Variants in ETV6 observed in about 807,000 individuals in gnomAD.
The protein encoded by ETV6 is transcription factor ETV6.
Under a neutral mutation model 51.1 loss-of-function variants are expected in ETV6, and 16 were observed. The observed-to-expected ratio is 0.31, with a 90% CI of 0.21 to 0.48. The LOEUF is 0.48. Ranked by LOEUF, ETV6 falls within the 20% of genes least tolerant of loss-of-function variation. The pLI, the probability that ETV6 is intolerant of heterozygous loss-of-function variation, is 0.99. For synonymous variants in ETV6, 240 were observed against 224.1 expected, an observed-to-expected ratio of 1.07 and a Z score of -0.64; for missense variants, 458 against 594.8, an observed-to-expected ratio of 0.77 and a Z score of 2.39.
intron 1 of ETV6, among the ~76,000 whole-genome samples, chr12:11,719,339 T>C (rs1865339191): frequency 6.6e-6 from 1 of 152,242 alleles, no homozygotes; most frequent in South Asian, 2.1e-4. Context: ...ATCTCATGCA[T>C]ATTAAAAATA....
intron 1 of ETV6, among the ~76,000 whole-genome samples, chr12:11,710,058 A>G (rs1469650046): frequency 6.6e-6 from 1 of 152,334 alleles, no homozygotes; most frequent in East Asian, 1.9e-4. Context: ...GTATTCTCAC[A>G]TCGGGAGGTC....
rs565987811 is a variant in ETV6 at position 11,692,364 on chromosome 12, GAAAT to G, written c.33+42209_33+42212del. On this transcript the variant is annotated intron_variant, in intron 1 of 7. Coordinates refer to ENST00000396373, the MANE Select transcript of ETV6 (RefSeq NM_001987.5). The stretch of plus-strand genomic sequence containing the variant: ...GACTCCCTAGCCTCCATAACTGTAA[GAAAT>G]AAATTTCATTTCTTTGTAAATTACC... Among the ~76,000 whole-genome samples, 490 of 152,214 alleles carry G rather than the reference GAAAT, an allele frequency of 3.2e-3. 2 individuals are homozygous for G. Among genetic ancestry groups the G allele is most frequent in the African/African-American group, 0.01 (428 of 41,514 alleles).
intron 3 of ETV6, among the ~76,000 whole-genome samples, chr12:11,851,369 A>G (rs966417463): frequency 2.6e-5 from 4 of 152,204 alleles, no homozygotes; most frequent in Non-Finnish European, 5.9e-5. Flanking sequence ...AAGTTCAGGA[A>G]GTCATTACAC....
intron 2 of ETV6, among the ~76,000 whole-genome samples, chr12:11,767,508 G>A (rs959317599): frequency 6.6e-6 from 1 of 152,222 alleles, no homozygotes; most frequent in Non-Finnish European, 1.5e-5. Context: ...TCAGGTGGCC[G>A]CATGGTATAG....
intron 1 of ETV6, among the ~76,000 whole-genome samples, chr12:11,739,076 A>AAG (rs576287649): frequency 1.9e-4 from 29 of 152,204 alleles, no homozygotes; most frequent in Non-Finnish European, 3.1e-4. Flanking sequence ...TTTTTAAAAA[A>AAG]AGAGAGAGAG....
At chr12:11,672,938 A>G (rs906521197) in intron 1 of ETV6, among the ~76,000 whole-genome samples, 10 of 152,220 alleles carry the variant, frequency 6.6e-5, no homozygotes, top group African/African-American at 2.4e-4. Flanking sequence ...AGTTATCGCC[A>G]TCCTACTGCT....
intron 2 of ETV6, among the ~76,000 whole-genome samples, chr12:11,765,851 C>G (rs1277118752): frequency 6.6e-6 from 1 of 152,182 alleles, no homozygotes; most frequent in Admixed American, 6.5e-5. Context: ...CCAGAAGTCT[C>G]AAGTTTGTGT....
At chr12:11,841,109 A>G (rs1018425855) in intron 3 of ETV6, among the ~76,000 whole-genome samples, 2 of 151,946 alleles carry the variant, frequency 1.3e-5, no homozygotes, top group African/African-American at 2.4e-5. Context: ...CCTTCATCCT[A>G]TCTCAGGTGC....
chr12:11,775,763 A>G (rs1267085299), intron 2 of ETV6, among the ~76,000 whole-genome samples: 2 of 152,174 alleles, frequency 1.3e-5, no homozygotes, highest in Non-Finnish European at 2.9e-5. Context: ...TAAACCATAC[A>G]AGCAGCGCAT....
intron 1 of ETV6, among the ~76,000 whole-genome samples, chr12:11,712,945 C>T (rs576273870): frequency 1.3e-5 from 2 of 152,302 alleles, no homozygotes; most frequent in East Asian, 1.9e-4. Flanking sequence ...GTTTCTGCCT[C>T]GTTTACTTTC....
At chr12:11,689,192 A>T (rs1864697214) in intron 1 of ETV6, among the ~76,000 whole-genome samples, 1 of 152,142 alleles carries the variant, frequency 6.6e-6, no homozygotes, top group South Asian at 2.1e-4. Context: ...AAAGTATGGA[A>T]GTAGATTGAA....
chr12:11,789,126 A>G (rs1408287327), intron 2 of ETV6, among the ~76,000 whole-genome samples: 1 of 152,030 alleles, frequency 6.6e-6, no homozygotes, highest in Non-Finnish European at 1.5e-5. Flanking sequence ...TCTGCCTCTC[A>G]GGTTCAAGCG....
chr12:11,722,843 G>T (rs1178893336), intron 1 of ETV6, among the ~76,000 whole-genome samples: 4 of 152,226 alleles, frequency 2.6e-5, no homozygotes, highest in Non-Finnish European at 5.9e-5. Flanking sequence ...AATTAATGCA[G>T]AGGTGCTCAA....
intron 1 of ETV6, among the ~76,000 whole-genome samples, chr12:11,730,036 G>C (rs758865902): frequency 6.6e-6 from 1 of 152,148 alleles, no homozygotes; most frequent in Non-Finnish European, 1.5e-5. Context: ...CTGTGCAAGC[G>C]AAAATTATTG....
chr12:11,888,854 T>C (rs1219340809), intron 7 of ETV6, among the ~76,000 whole-genome samples: 1 of 152,142 alleles, frequency 6.6e-6, no homozygotes, highest in Non-Finnish European at 1.5e-5. Flanking sequence ...ACAGGATTTA[T>C]ATTTTGAATA....
intron 2 of ETV6, among the ~76,000 whole-genome samples, chr12:11,810,639 A>G (rs74060858): frequency 2.3e-4 from 35 of 152,384 alleles, no homozygotes; most frequent in African/African-American, 7.5e-4. Context: ...GACTATCACA[A>G]TTAGTGAAGT....
rs770600935 is a variant in ETV6, at chr12:11,853,402, A to G, written c.329-25A>G. On this transcript the variant is annotated intron_variant, in intron 3 of 7. Coordinates refer to ENST00000396373, the MANE Select transcript of ETV6 (RefSeq NM_001987.5). Reference sequence around the variant, plus strand: ...TGGAAAAACATCTTTCCATTTCTCGATTTCCCTTTCCTTTTTCTTTCCAGG... The same window carrying G: ...TGGAAAAACATCTTTCCATTTCTCGGTTTCCCTTTCCTTTTTCTTTCCAGG... The G allele has an allele frequency of 2.5e-6, 4 of 1,613,336 alleles. No individual in the cohort carries two copies. The Admixed American group carries it at 6.7e-5, about 27-fold the overall frequency.
At chr12:11,667,184 C>A (rs908474114) in intron 1 of ETV6, among the ~76,000 whole-genome samples, 2 of 152,222 alleles carry the variant, frequency 1.3e-5, no homozygotes, top group African/African-American at 4.8e-5. Context: ...CGGTGCCTGG[C>A]ACAGAGGAAG....
chr12:11,873,986 C>A (rs1946923030), intron 5 of ETV6, among the ~76,000 whole-genome samples: 1 of 111,704 alleles, frequency 9.0e-6, no homozygotes, highest in Non-Finnish European at 1.8e-5. Context: ...AGAAAACTTA[C>A]CAGGAGCAAA....
Sources: gnomAD v4.1 joint callset for allele counts (sites outside exome capture counted in the v4.1 genomes callset) on GRCh38, gnomAD v4.1.1 for gene constraint, MANE v1.5 for transcripts, NCBI Gene and HGNC (gene_info 2026-07-23, HGNC 2026-07-21) for gene names.